EIF2S3: variants seen among roughly 807,000 people sequenced by gnomAD.
EIF2S3 encodes eukaryotic translation initiation factor 2 subunit 3.
A neutral mutation model predicts 31.7 loss-of-function variants in EIF2S3; 2 were observed. The ratio of observed to expected loss-of-function variants is 0.06; its 90% CI spans 0.03 to 0.20. EIF2S3 has a LOEUF of 0.20. Among genes scored for constraint, EIF2S3 ranks in the 10% least tolerant of loss-of-function variants. The pLI, the probability that EIF2S3 is intolerant of heterozygous loss-of-function variation, is 1.00. For synonymous variants in EIF2S3, 120 were observed against 126.7 expected, an observed-to-expected ratio of 0.95 and a Z score of 0.36; for missense variants, 96 against 359.3, an observed-to-expected ratio of 0.27 and a Z score of 5.92.
rs1370626114 is a variant in EIF2S3 at position 24,071,544 on chromosome X, T to C, written c.1013-14T>C. 1 of 1,202,468 alleles carries C rather than the reference T, an allele frequency of 8.3e-7. No homozygotes were observed. The highest frequency in any genetic ancestry group is 1.8e-5 in the South Asian group (1 of 55,511). Reference sequence around the variant, plus strand: ...AATAAAAAATTGAGCTATATACATCTTATTTTTATATAGGAGTTGGAACAA... The same window carrying C: ...AATAAAAAATTGAGCTATATACATCCTATTTTTATATAGGAGTTGGAACAA... On this transcript the variant is annotated splice_polypyrimidine_tract_variant and intron_variant, in intron 9 of 11. Coordinates refer to ENST00000253039, the MANE Select transcript of EIF2S3 (RefSeq NM_001415.4).
intron 9 of EIF2S3, among the ~76,000 whole-genome samples, chrX:24,068,475 C>T (rs1017286950): frequency 9.2e-6 from 1 of 108,430 alleles, no homozygotes; most frequent in African/African-American, 3.4e-5. Context: ...GATGGAGTCT[C>T]GCTGTGTCCT....
intron 2 of EIF2S3, among the ~76,000 whole-genome samples, chrX:24,056,649 A>G (rs1240389524): frequency 9.0e-6 from 1 of 111,353 alleles, no homozygotes; most frequent in Non-Finnish European, 1.9e-5. Context: ...GCTTGAGCCC[A>G]GGAGTTGGAG....
intron 1 of EIF2S3, 121 bp from the exon 2 acceptor site, chrX:24,055,494 G>A (rs895044144): frequency 5.9e-6 from 4 of 673,001 alleles, no homozygotes; most frequent in Non-Finnish European, 2.3e-6. Context: ...TAGGGAAAAG[G>A]AGCTTTAGAA....
intron 9 of EIF2S3, among the ~76,000 whole-genome samples, chrX:24,070,237 A>G (rs1315461279): frequency 9.5e-6 from 1 of 105,222 alleles, no homozygotes; most frequent in Non-Finnish European, 2.0e-5. Flanking sequence ...ACATGCCTGT[A>G]ATCCCAGCCT....
At chrX:24,055,480 C>G (rs1339353523) in intron 1 of EIF2S3, 135 bp from the exon 2 acceptor site, 2 of 597,860 alleles carry the variant, frequency 3.3e-6, no homozygotes, top group Admixed American at 6.0e-5. Flanking sequence ...TACAAAGTTA[C>G]TGATAGGGAA....
chrX:24,061,561 T>G (rs1930493593), intron 5 of EIF2S3, among the ~76,000 whole-genome samples: 1 of 105,877 alleles, frequency 9.4e-6, no homozygotes, highest in Middle Eastern at 4.3e-3. Flanking sequence ...TGAGACTCAG[T>G]CTCAAAAAAA....
chrX:24,055,150 A>G, intron 1 of EIF2S3, 113 bp downstream of exon 1: 1 of 896,691 alleles, frequency 1.1e-6, no homozygotes, highest in Non-Finnish European at 1.6e-6. Flanking sequence ...AGCCTGGGTC[A>G]GGAGGGAGAC....
intron 5 of EIF2S3, among the ~76,000 whole-genome samples, chrX:24,060,962 A>AG (rs1930482568): frequency 9.9e-6 from 1 of 100,606 alleles, no homozygotes; most frequent in Non-Finnish European, 2.0e-5. Flanking sequence ...AAAAAAAAAA[A>AG]AAAAAAAAAG....
At chrX:24,059,654 C>G (rs183165120) in intron 4 of EIF2S3, among the ~76,000 whole-genome samples, 13 of 111,814 alleles carry the variant, frequency 1.2e-4, no homozygotes, top group African/African-American at 4.2e-4. Context: ...AACTCCTGAC[C>G]TCAGGTGATC....
At chrX:24,055,548 A>T (rs958234922) in intron 1 of EIF2S3, 67 bp from the exon 2 acceptor site, 26 of 1,100,527 alleles carry the variant, frequency 2.4e-5, no homozygotes, top group Non-Finnish European at 3.3e-5. Flanking sequence ...TAGATAGCAA[A>T]CGTAAAGTCA....
chrX:24,057,051 C>A (rs1172313558), intron 2 of EIF2S3, among the ~76,000 whole-genome samples: 1 of 85,856 alleles, frequency 1.2e-5, no homozygotes, highest in Non-Finnish European at 2.8e-5. Flanking sequence ...TATTTATTTG[C>A]GACGGAGTCT....
At chrX:24,070,342 T>G (rs1223600360) in intron 9 of EIF2S3, among the ~76,000 whole-genome samples, 1 of 106,456 alleles carries the variant, frequency 9.4e-6, no homozygotes, top group Non-Finnish European at 1.9e-5. Context: ...AAAAAAGTTT[T>G]CCCAATCAAT....
chrX:24,066,124 GTTTTTT>G, intron 8 of EIF2S3, 32 bp downstream of exon 8: 1 of 805,760 alleles, frequency 1.2e-6, no homozygotes, highest in Non-Finnish European at 1.7e-6. Context: ...GTGATTTTGG[GTTTTTT>G]TTTTTTGTTG....
At chrX:24,070,309 CTG>C (rs1371103294) in intron 9 of EIF2S3, among the ~76,000 whole-genome samples, 10 of 107,870 alleles carry the variant, frequency 9.3e-5, no homozygotes, top group Non-Finnish European at 1.9e-4. Flanking sequence ...GCGACAGAGA[CTG>C]TGTCTCAACA....
intron 7 of EIF2S3, among the ~76,000 whole-genome samples, chrX:24,064,556 A>G (rs970943648): frequency 8.9e-6 from 1 of 112,651 alleles, no homozygotes; most frequent in Non-Finnish European, 1.9e-5. Context: ...AGCCGGGCGC[A>G]GTGGCTCACG....
intron 5 of EIF2S3, among the ~76,000 whole-genome samples, chrX:24,061,971 A>G (rs1196580644): frequency 9.0e-6 from 1 of 111,420 alleles, no homozygotes; most frequent in Admixed American, 9.7e-5. Context: ...GGGAGGTTCC[A>G]GTGAATGCAG....
chrX:24,057,836 A>G (rs1331056422), intron 4 of EIF2S3, 82 bp downstream of exon 4: 10 of 1,025,165 alleles, frequency 9.8e-6, no homozygotes, highest in Non-Finnish European at 1.2e-5. Flanking sequence ...CGAGGTGTTA[A>G]ACGGTGAACC....
At chrX:24,055,819 A>G (rs1930395189) in intron 2 of EIF2S3, 141 bp downstream of exon 2, 2 of 603,046 alleles carry the variant, frequency 3.3e-6, no homozygotes, top group Non-Finnish European at 5.3e-6. Context: ...CATCTGCTAC[A>G]TTTGCGGTGC....
rs934996622 is a variant in EIF2S3 at position 24,077,410 on chromosome X, G to C, written c.*625G>C. Reference sequence around the variant, plus strand: ...TGAAACTTTGCCACAACCAGCCTTTGCTGTAGCACACACATATATCACTGA... The same window carrying C: ...TGAAACTTTGCCACAACCAGCCTTTCCTGTAGCACACACATATATCACTGA... On this transcript the variant is annotated 3_prime_UTR_variant, in exon 12 of 12. Coordinates refer to ENST00000253039, the MANE Select transcript of EIF2S3 (RefSeq NM_001415.4). 1 of 112,139 alleles carries C rather than the reference G, an allele frequency of 8.9e-6. No individual in the cohort carries two copies. The highest frequency in any genetic ancestry group is 1.9e-5 in the Non-Finnish European group (1 of 53,316). The allele number at this position is 112,139 out of a possible 1,213,427, so 9.2% of individuals were successfully genotyped here.
Sources: allele counts gnomAD v4.1 joint callset (sites outside exome capture counted in the v4.1 genomes callset), GRCh38; gene constraint gnomAD v4.1.1; transcripts MANE v1.5; gene names NCBI Gene and HGNC (gene_info 2026-07-23, HGNC 2026-07-21).